The following GPC5 variants were observed in gnomAD, a reference collection of about 807,000 sequenced individuals.
GPC5 encodes the protein glypican 5, also known as glypican-5.
A neutral mutation model predicts 53.9 loss-of-function variants in GPC5; 47 were observed. That is an observed-to-expected ratio of 0.87 (90% CI 0.69 to 1.11). GPC5 has a LOEUF of 1.11. Among genes scored for constraint, GPC5 ranks in the 50% most tolerant of loss-of-function variants. The probability of loss-of-function intolerance (pLI) is 0.00; values close to 1 mark genes in which losing one functional copy is unlikely to be tolerated. For missense variants in GPC5, 748 were observed against 713.1 expected (o/e 1.05, Z -0.56); for synonymous variants, 286 against 263.3 (o/e 1.09, Z -0.84).
At chr13:91,632,212 T>C (rs2034174838) in intron 2 of GPC5, among the ~76,000 whole-genome samples, 1 of 152,120 alleles carries the variant, frequency 6.6e-6, no homozygotes, top group Admixed American at 6.6e-5. Flanking sequence ...AATGATATCC[T>C]TGTAAAATGA....
intron 6 of GPC5, among the ~76,000 whole-genome samples, chr13:92,005,981 G>A (rs889927945): frequency 1.3e-5 from 2 of 151,866 alleles, no homozygotes; most frequent in African/African-American, 4.8e-5. Context: ...TTTTTTTCTG[G>A]CTATAAAAGA....
At chr13:91,440,501 G>A (rs1880341358) in intron 1 of GPC5, among the ~76,000 whole-genome samples, 1 of 152,106 alleles carries the variant, frequency 6.6e-6, no homozygotes, top group Non-Finnish European at 1.5e-5. Flanking sequence ...TTTATTCTGA[G>A]TTTATGTTCT....
chr13:92,756,193 T>C (rs202099935), intron 7 of GPC5, among the ~76,000 whole-genome samples: 2 of 151,704 alleles, frequency 1.3e-5, no homozygotes, highest in Non-Finnish European at 2.9e-5. Flanking sequence ...AATCAATAAA[T>C]GTAATCCAGC....
intron 2 of GPC5, among the ~76,000 whole-genome samples, chr13:91,479,799 C>T (rs1883204329): frequency 6.6e-6 from 1 of 151,986 alleles, no homozygotes; most frequent in Non-Finnish European, 1.5e-5. Context: ...ATATTTTCTA[C>T]TCTATTAGAA....
intron 7 of GPC5, among the ~76,000 whole-genome samples, chr13:92,238,839 G>A (rs2042588679): frequency 6.6e-6 from 1 of 151,592 alleles, no homozygotes; most frequent in African/African-American, 2.4e-5. Flanking sequence ...CTAATCCAAG[G>A]TCATCAAGAT....
chr13:91,824,874 A>G (rs533654045), intron 5 of GPC5, among the ~76,000 whole-genome samples: 2 of 152,244 alleles, frequency 1.3e-5, no homozygotes, highest in South Asian at 2.1e-4. Context: ...TTCTATGTAC[A>G]TTAGATATTC....
At position 91,973,686 on chromosome 13, in the gene GPC5, G is replaced by C. The variant is rs189688878; in HGVS notation, c.1401+65629G>C. Among the ~76,000 whole-genome samples the C allele has an allele frequency of 2.1e-3, 316 of 152,288 alleles. 1 individual carries two copies. Among genetic ancestry groups the C allele is most frequent in the Admixed American group, 6.0e-3 (92 of 15,304 alleles). On this transcript the variant is annotated intron_variant, in intron 6 of 7. Transcript: ENST00000377067. Reference sequence around the variant, plus strand: ...CTGTTTGTTAGTTTTCCTTCTAACAGACAGGACCCTCAGCTGCAGGTCTGT... The same window carrying C: ...CTGTTTGTTAGTTTTCCTTCTAACACACAGGACCCTCAGCTGCAGGTCTGT...
chr13:92,296,030 T>A (rs2043032145), intron 7 of GPC5, among the ~76,000 whole-genome samples: 1 of 152,164 alleles, frequency 6.6e-6, no homozygotes, highest in Non-Finnish European at 1.5e-5. Flanking sequence ...TTTTTTGTTT[T>A]TTAAGTTGTA....
At chr13:92,184,511 G>T (rs1019554378) in intron 7 of GPC5, among the ~76,000 whole-genome samples, 1 of 152,040 alleles carries the variant, frequency 6.6e-6, no homozygotes, top group Non-Finnish European at 1.5e-5. Flanking sequence ...CTGTCTTTGT[G>T]TCAAAATTGT....
chr13:92,548,644 AG>A (rs1454522975), intron 7 of GPC5, among the ~76,000 whole-genome samples: 1 of 152,060 alleles, frequency 6.6e-6, no homozygotes, highest in Non-Finnish European at 1.5e-5. Flanking sequence ...TACGTGAAAA[AG>A]TGAAGACATA....
At chr13:92,327,874 A>G (rs966393072) in intron 7 of GPC5, among the ~76,000 whole-genome samples, 1 of 152,126 alleles carries the variant, frequency 6.6e-6, no homozygotes, top group African/African-American at 2.4e-5. Flanking sequence ...CAGGTCACTA[A>G]CAGTGCAACT....
chr13:91,818,114 A>T (rs1655204797), intron 5 of GPC5, among the ~76,000 whole-genome samples: 1 of 152,174 alleles, frequency 6.6e-6, no homozygotes. Flanking sequence ...GCATCTGGGG[A>T]ACAGCATTAC....
chr13:91,884,761 C>T (rs138196068), intron 5 of GPC5, among the ~76,000 whole-genome samples: 1 of 152,268 alleles, frequency 6.6e-6, no homozygotes, highest in Non-Finnish European at 1.5e-5. Context: ...GTTAGAAGTG[C>T]TCATATTCAA....
chr13:92,490,853 T>C (rs1879733084), intron 7 of GPC5, among the ~76,000 whole-genome samples: 1 of 152,080 alleles, frequency 6.6e-6, no homozygotes, highest in Non-Finnish European at 1.5e-5. Context: ...GTTCAATAAA[T>C]CCAAGCTAAT....
chr13:92,491,822 T>G (rs987426546), intron 7 of GPC5, among the ~76,000 whole-genome samples: 27 of 152,268 alleles, frequency 1.8e-4, no homozygotes, highest in Non-Finnish European at 3.1e-4. Context: ...CCAAACCTCA[T>G]AAAATTATTA....
chr13:91,787,798 G>A (rs1432545001), intron 5 of GPC5, among the ~76,000 whole-genome samples: 4 of 152,116 alleles, frequency 2.6e-5, no homozygotes, highest in East Asian at 1.9e-4. Flanking sequence ...AATAACAGAA[G>A]AGGGCTTAAA....
At chr13:92,352,445 G>C (rs989868648) in intron 7 of GPC5, among the ~76,000 whole-genome samples, 1 of 152,080 alleles carries the variant, frequency 6.6e-6, no homozygotes, top group Admixed American at 6.6e-5. Context: ...TACAAACTTG[G>C]ATAATTGTAC....
At chr13:92,196,890 A>T (rs570967269) in intron 7 of GPC5, among the ~76,000 whole-genome samples, 1 of 152,340 alleles carries the variant, frequency 6.6e-6, no homozygotes, top group East Asian at 1.9e-4. Flanking sequence ...CAGAGAGTGT[A>T]AAATATTTTA....
intron 3 of GPC5, among the ~76,000 whole-genome samples, chr13:91,721,855 A>C (rs1303723834): frequency 6.6e-6 from 1 of 152,030 alleles, no homozygotes; most frequent in African/African-American, 2.4e-5. Context: ...GGAGCACCCC[A>C]CCCCCACTCT....
Sources: gnomAD v4.1 joint callset for allele counts (sites outside exome capture counted in the v4.1 genomes callset) on GRCh38, gnomAD v4.1.1 for gene constraint, MANE v1.5 for transcripts, NCBI Gene and HGNC (gene_info 2026-07-23, HGNC 2026-07-21) for gene names.